Variants in ZBED6 observed in about 807,000 individuals in gnomAD.
The protein encoded by ZBED6 is zinc finger BED domain-containing protein 6.
Under a neutral mutation model 58.4 loss-of-function variants are expected in ZBED6, and 40 were observed. The ratio of observed to expected loss-of-function variants is 0.68; its 90% confidence interval spans 0.53 to 0.89. ZBED6 has a LOEUF of 0.89. Among genes scored for constraint, ZBED6 ranks in the 40% least tolerant of loss-of-function variants. The probability of loss-of-function intolerance (pLI) is 0.00; values close to 1 mark genes in which losing one functional copy is unlikely to be tolerated. For missense variants in ZBED6, 1,057 were observed against 1,003.9 expected, an observed-to-expected ratio of 1.05 and a Z score of -0.71; for synonymous variants, 439 against 350.6, an observed-to-expected ratio of 1.25 and a Z score of -2.82.
chr1:203,815,624 T>C (rs1417657243), intron 1 of ZBED6, among the ~76,000 whole-genome samples: 2 of 152,178 alleles, frequency 1.3e-5, no homozygotes, highest in African/African-American at 4.8e-5. Flanking sequence ...TCGAAGGGTA[T>C]GTAAACTTTA....
At chr1:203,815,212 T>TTTTC (rs1553261489) in intron 1 of ZBED6, among the ~76,000 whole-genome samples, 6 of 46,706 alleles carry the variant, frequency 1.3e-4, no homozygotes, top group African/African-American at 4.1e-4. Context: ...CTTCCTTTTC[T>TTTTC]TTTCTTTTTT....
chr1:203,826,360 A>C (rs1680526392), intron 3 of ZBED6, among the ~76,000 whole-genome samples: 1 of 149,452 alleles, frequency 6.7e-6, no homozygotes, highest in African/African-American at 2.5e-5. Flanking sequence ...AAAATTAATA[A>C]ATAAATATTG....
chr1:203,798,740 C>G (rs1483567190), exon 1 of ZBED6: 1 of 1,536,110 alleles, frequency 6.5e-7, no homozygotes, highest in Admixed American at 2.0e-5. Flanking sequence ...GAAATCCAGT[C>G]TCAAGTCACA....
chr1:203,825,344 A>G (rs1251219829), intron 3 of ZBED6, among the ~76,000 whole-genome samples: 3 of 152,086 alleles, frequency 2.0e-5, no homozygotes, highest in African/African-American at 7.2e-5. Context: ...AATGAGAATC[A>G]ACTGTTTTAT....
At chr1:203,851,968 CAAAAAAAA>C (rs57160781) in intron 16 of ZBED6, among the ~76,000 whole-genome samples, 165 bp from the exon 17 acceptor site, 27 of 45,838 alleles carry the variant, frequency 5.9e-4, no homozygotes, top group African/African-American at 2.4e-3. Flanking sequence ...GACTCTGCCT[CAAAAAAAA>C]AAAAAAAAAA....
chr1:203,812,685 G>A (rs1334022433), intron 1 of ZBED6, among the ~76,000 whole-genome samples: 3 of 145,178 alleles, frequency 2.1e-5, no homozygotes, highest in Admixed American at 7.2e-5. Flanking sequence ...AGGTTCAAAC[G>A]ATTCTCCTGT....
chr1:203,849,783 C>T (rs1688821384), exon 14 of ZBED6: 1 of 1,613,776 alleles, frequency 6.2e-7, no homozygotes, highest in African/African-American at 1.3e-5. Flanking sequence ...GAGAGAGAAG[C>T]ACATGCAGAA....
intron 4 of ZBED6, 110 bp downstream of exon 4, chr1:203,828,532 A>T: frequency 7.5e-7 from 1 of 1,329,536 alleles, no homozygotes; most frequent in South Asian, 1.4e-5. Context: ...AAACAGCAGA[A>T]TTATTTCCAC....
chr1:203,852,673 A>G (rs1689553960), exon 17 of ZBED6: 1 of 450,040 alleles, frequency 2.2e-6, no homozygotes, highest in African/African-American at 2.0e-5. Flanking sequence ...AGAGACTGAG[A>G]GGGAGATCAA....
Position 203,851,336 on chromosome 1 carries a change from G to GT in ZBED6, c.*4873+219dup, listed in dbSNP as rs1689207562. Among the ~76,000 whole-genome samples, 5 of 151,982 alleles carry GT rather than the reference G, an allele frequency of 3.3e-5. No homozygotes were observed. The South Asian group carries it at 1.0e-3, about 32-fold the overall frequency. On this transcript the variant is annotated intron_variant, in intron 16 of 16. Coordinates refer to ENST00000550078, the Ensembl canonical transcript of ZBED6. ...TATATTACCTAAAAGATGTTTTTTT[G>GT]TTTTTTTGTTTGAGGCAGCGTCTCA...
exon 1 of ZBED6, chr1:203,796,555 A>G: frequency 2.5e-6 from 1 of 398,630 alleles, no homozygotes; most frequent in Non-Finnish European, 4.4e-6. Flanking sequence ...TTGGTTCTGG[A>G]CCTTGAGAAA....
At chr1:203,837,448 GTCTC>G (rs1330575339) in intron 9 of ZBED6, among the ~76,000 whole-genome samples, 42 of 149,164 alleles carry the variant, frequency 2.8e-4, no homozygotes, top group Middle Eastern at 3.5e-3. Flanking sequence ...TCTTTCCCTT[GTCTC>G]TCTTTTTTTT....
At chr1:203,829,967 T>C in intron 6 of ZBED6, 71 bp downstream of exon 6, 3 of 1,434,716 alleles carry the variant, frequency 2.1e-6, no homozygotes, top group Non-Finnish European at 2.9e-6. Context: ...TTCACAATCA[T>C]TGACCTCCCT....
chr1:203,847,462 A>C, exon 12 of ZBED6: 1 of 1,613,976 alleles, frequency 6.2e-7, no homozygotes, highest in Admixed American at 1.7e-5. Flanking sequence ...TAGTGAAATT[A>C]AAAAAACAGT....
chr1:203,797,529 G>GT lies in ZBED6; in HGVS notation c.8dup (p.Cys4MetfsTer20). 7 of 1,511,864 alleles carry GT rather than the reference G, an allele frequency of 4.6e-6. No homozygotes were observed. Among genetic ancestry groups the GT allele is most frequent in the Non-Finnish European group, 6.1e-6 (7 of 1,138,594 alleles). The allele number at this position is 1,511,864 out of a possible 1,614,324, so 93.7% of individuals were successfully genotyped here. A position where few individuals can be genotyped will look rare whatever the true frequency, so the allele number is the denominator to read the frequency against. ...TTGTGGAGACATAAAGAGAATGAGT[G>GT]TATGTACTCTAAGTGTACCAGTTTC... On this transcript the variant is annotated frameshift_variant, in exon 1 of 17. Transcript: ENST00000550078. LOFTEE classifies it high-confidence loss of function.
chr1:203,816,846 A>G (rs1282328617), intron 1 of ZBED6, 80 bp from the exon 2 acceptor site: 2 of 456,420 alleles, frequency 4.4e-6, no homozygotes, highest in Non-Finnish European at 7.9e-6. Context: ...GACTCTAGCA[A>G]TACGATCTCA....
chr1:203,845,248 A>T (rs1687572159), intron 11 of ZBED6, among the ~76,000 whole-genome samples: 3 of 151,982 alleles, frequency 2.0e-5, no homozygotes, highest in African/African-American at 4.8e-5. Context: ...TTTATTTTTA[A>T]TGTTTTATCA....
intron 9 of ZBED6, among the ~76,000 whole-genome samples, chr1:203,836,164 C>G (rs973528698): frequency 3.9e-5 from 6 of 152,164 alleles, no homozygotes; most frequent in Non-Finnish European, 8.8e-5. Flanking sequence ...TAGAGGATCC[C>G]TTGAGTCCAG....
intron 2 of ZBED6, 136 bp from the exon 3 acceptor site, chr1:203,818,434 A>G: frequency 3.5e-6 from 4 of 1,153,234 alleles, no homozygotes; most frequent in South Asian, 1.5e-5. Flanking sequence ...CTGTCATTCC[A>G]TGTCCATTGT....
Sources: gnomAD v4.1 joint callset for allele counts (sites outside exome capture counted in the v4.1 genomes callset) on GRCh38, gnomAD v4.1.1 for gene constraint, MANE v1.5 for transcripts, NCBI Gene and HGNC (gene_info 2026-07-23, HGNC 2026-07-21) for gene names.